CBLN4: variants seen among roughly 807,000 people sequenced by gnomAD.
CBLN4 encodes cerebellin-4.
In CBLN4, 7 loss-of-function variants were observed where a neutral mutation model predicts 14.9. The observed-to-expected ratio is 0.47, with a 90% CI of 0.27 to 0.88. The LOEUF (loss-of-function observed/expected upper bound fraction) is 0.88, where lower values mean the gene tolerates loss of function less well. Among genes scored for constraint, CBLN4 ranks in the 40% least tolerant of loss-of-function variants. The pLI, the probability that CBLN4 is intolerant of heterozygous loss-of-function variation, is 0.14. For missense variants in CBLN4, 188 were observed against 256.8 expected (o/e 0.73, Z 1.83); for synonymous variants, 131 against 116.5 (o/e 1.12, Z -0.80).
Position 56,004,162 on chromosome 20 carries a change from C to T in CBLN4, c.10G>A (p.Gly4Arg). The stretch of plus-strand genomic sequence containing the variant: ...GGCACCGCGGACAGCGCCCGGCGCC[C>T]GGAGCCCATGGTGAGCCGTGTGGGC... MGS[G>R]RRALSAVPAV... Residue 4 changes from glycine (G) to arginine (R), a missense_variant, in exon 1 of 3, where the codon GGG becomes AGG. Gly to Arg is a moderately radical substitution (Grantham distance 125). Coordinates refer to ENST00000064571, the MANE Select transcript of CBLN4 (RefSeq NM_080617.6). This position sits in a 1 kb window ranked among gnomAD's most constrained non-coding sequence, Gnocchi z 6.1. The T allele has an allele frequency of 6.5e-7, 1 of 1,532,768 alleles. No homozygotes were observed. The highest frequency in any genetic ancestry group is 2.5e-5 in the East Asian group (1 of 40,496). The allele number at this position is 1,532,768 out of a possible 1,614,324, so 94.9% of individuals were successfully genotyped here.
intron 1 of CBLN4, among the ~76,000 whole-genome samples, chr20:56,001,343 G>A (rs577965498): frequency 8.5e-5 from 13 of 152,210 alleles, no homozygotes; most frequent in South Asian, 2.1e-4. Context: ...CAGCCAATCA[G>A]CATCTGTGAG....
intron 1 of CBLN4, among the ~76,000 whole-genome samples, 181 bp from the exon 2 acceptor site, chr20:56,001,028 C>G (rs189015739): frequency 2.0e-5 from 3 of 151,864 alleles, no homozygotes; most frequent in Admixed American, 2.0e-4. Context: ...TGGCAACTAG[C>G]TTAAGAAATC....
chr20:56,002,757 T>C (rs535734755), intron 1 of CBLN4, among the ~76,000 whole-genome samples: 1 of 152,350 alleles, frequency 6.6e-6, no homozygotes, highest in African/African-American at 2.4e-5. Flanking sequence ...TAGAGAGGCA[T>C]TCTCTGTCTT....
rs1986431309 is a variant in CBLN4, at chr20:56,004,453, C to G, written c.-282G>C. ...CCAAGAATCAGCCCTGCCTGGGGCC[C>G]CTGCACCCACTCTGGTTCCTAGACA... On this transcript the variant is annotated 5_prime_UTR_variant, in exon 1 of 3. Transcript: ENST00000064571. This position sits in a 1 kb window ranked among gnomAD's most constrained non-coding sequence, Gnocchi z 6.1. 2.6e-6 allele frequency: 1 copy of G among 381,822 alleles called. No individual in the cohort carries two copies. The highest frequency in any genetic ancestry group is 4.6e-5 in the Admixed American group (1 of 21,544). 23.7% of individuals were successfully genotyped at this position (381,822 alleles called of 1,614,324 possible). A position where few individuals can be genotyped will look rare whatever the true frequency, so the allele number is the denominator to read the frequency against.
rs1010635417 is a variant in CBLN4, at chr20:56,004,175, G to A, written c.-4C>T. 11 of 1,477,448 alleles carry A rather than the reference G, an allele frequency of 7.4e-6. No individual in the cohort carries two copies. Among genetic ancestry groups the A allele is most frequent in the Non-Finnish European group, 9.8e-6 (11 of 1,118,914 alleles). 91.5% of individuals were successfully genotyped at this position (1,477,448 alleles called of 1,614,324 possible). On this transcript the variant is annotated 5_prime_UTR_variant, in exon 1 of 3. Coordinates refer to ENST00000064571, the MANE Select transcript of CBLN4 (RefSeq NM_080617.6). This position sits in a 1 kb window ranked among gnomAD's most constrained non-coding sequence, Gnocchi z 6.1. ...GCGCCCGGCGCCCGGAGCCCATGGT[G>A]AGCCGTGTGGGCAGCCGCAGCCGGC...
chr20:56,001,517 T>A (rs1262403289), intron 1 of CBLN4, among the ~76,000 whole-genome samples: 1 of 152,182 alleles, frequency 6.6e-6, no homozygotes, highest in Non-Finnish European at 1.5e-5. Context: ...ATTTTTTTTT[T>A]CATTCCTGTG....
intron 1 of CBLN4, among the ~76,000 whole-genome samples, chr20:56,002,166 G>C (rs958017481): frequency 1.3e-5 from 2 of 152,154 alleles, no homozygotes. Context: ...ACACATGTAC[G>C]TGTATAATTT....
At position 55,997,983 on chromosome 20, in the gene CBLN4, T is replaced by C. The variant is rs1457108767; in HGVS notation, c.*574A>G. On this transcript the variant is annotated 3_prime_UTR_variant, in exon 3 of 3. Coordinates refer to ENST00000064571, the MANE Select transcript of CBLN4 (RefSeq NM_080617.6). ...GAGAGAAGTCATGTCGATGATATCG[T>C]AGTCAAGGTAAATTTGTGGGCAAGC... The C allele has an allele frequency of 6.6e-6, 1 of 152,452 alleles. No homozygotes were observed. The highest frequency in any genetic ancestry group is 1.9e-4 in the East Asian group (1 of 5,190). 9.4% of individuals were successfully genotyped at this position (152,452 alleles called of 1,614,324 possible).
At chr20:56,002,247 C>G (rs985312911) in intron 1 of CBLN4, among the ~76,000 whole-genome samples, 6 of 152,190 alleles carry the variant, frequency 3.9e-5, no homozygotes, top group Non-Finnish European at 7.3e-5. Flanking sequence ...GATGGTCTTT[C>G]AACAAGTCAC....
At chr20:56,003,819 C>T in intron 1 of CBLN4, 62 bp downstream of exon 1, 1 of 1,516,634 alleles carries the variant, frequency 6.6e-7, no homozygotes, top group Non-Finnish European at 8.9e-7. Context: ...GGCAGGCAGC[C>T]TCGTGCTGAG....
chr20:56,000,862 A>T lies in CBLN4; in HGVS notation c.292-15T>A. On this transcript the variant is annotated splice_polypyrimidine_tract_variant and intron_variant, in intron 1 of 2. Transcript: ENST00000064571. ...TTCACCAGGATCTACAAATAAAAAT[A>T]ATAAATAACAATAAGTTATTATATT... 7.6e-7 allele frequency: 1 copy of T among 1,309,814 alleles called. No homozygotes were observed. Among genetic ancestry groups the T allele is most frequent in the Non-Finnish European group, 1.1e-6 (1 of 948,746 alleles). 81.1% of individuals were successfully genotyped at this position (1,309,814 alleles called of 1,614,324 possible). A position where few individuals can be genotyped will look rare whatever the true frequency, so the allele number is the denominator to read the frequency against.
chr20:56,002,637 CTAGGG>C (rs1276913744), intron 1 of CBLN4, among the ~76,000 whole-genome samples: 1 of 152,216 alleles, frequency 6.6e-6, no homozygotes, highest in Non-Finnish European at 1.5e-5. Flanking sequence ...GAAATACAAA[CTAGGG>C]GTGGTGCTAG....
chr20:56,003,671 AG>A (rs1262095238), intron 1 of CBLN4, among the ~76,000 whole-genome samples: 1 of 152,086 alleles, frequency 6.6e-6, no homozygotes, highest in African/African-American at 2.4e-5. Flanking sequence ...AGCCTCTTTT[AG>A]GGGCCCGGAA....
rs1311376218 is a variant in CBLN4, at chr20:56,003,792, C to A, written c.291+89G>T. On this transcript the variant is annotated intron_variant, in intron 1 of 2. Coordinates refer to ENST00000064571, the MANE Select transcript of CBLN4 (RefSeq NM_080617.6). ...TTTACATGATTCCCCATTTCCCAATCGGACCAGCTTAGCCTGGGCAGGCAG... is the reference window on the plus strand; with the variant it reads ...TTTACATGATTCCCCATTTCCCAATAGGACCAGCTTAGCCTGGGCAGGCAG... The A allele has an allele frequency of 3.7e-6, 5 of 1,360,726 alleles. No homozygotes were observed. The South Asian group carries it at 4.3e-5, about 12-fold the overall frequency. 84.3% of individuals were successfully genotyped at this position (1,360,726 alleles called of 1,614,324 possible). A position where few individuals can be genotyped will look rare whatever the true frequency, so the allele number is the denominator to read the frequency against.
In CBLN4 at chr20:56,003,871, C is replaced by T. The variant is rs749492651; in HGVS notation, c.291+10G>A. The T allele has an allele frequency of 6.3e-6, 10 of 1,585,682 alleles. No individual in the cohort carries two copies. In the South Asian group the frequency reaches 1.0e-4, roughly 16 times the overall value. ...CACCCCCTAGGTGCTCGCTTCCCCC[C>T]GGGTCTGACCTGATCGAAGTAAATG... On this transcript the variant is annotated intron_variant, in intron 1 of 2. Transcript: ENST00000064571.
intron 1 of CBLN4, 94 bp downstream of exon 1, chr20:56,003,787 C>T (rs422330): frequency 5.3e-5 from 70 of 1,317,770 alleles, no homozygotes; most frequent in South Asian, 7.2e-5. Context: ...TCCCCATTTC[C>T]CAATCGGACC....
intron 2 of CBLN4, among the ~76,000 whole-genome samples, chr20:56,000,351 T>C (rs1394196200): frequency 6.6e-6 from 1 of 152,272 alleles, no homozygotes; most frequent in Admixed American, 6.5e-5. Flanking sequence ...TTATTTAGTA[T>C]GCACTTGTAA....
rs187529560 is a variant in CBLN4 at position 56,000,542 on chromosome 20, C to T, written c.408+189G>A. ...CTTCAATTCTCTATTTTTCTATACG[C>T]TTTTTGTCACGTCTTAATGGATGTT... is the stretch of plus-strand genomic sequence containing the variant. On this transcript the variant is annotated intron_variant, in intron 2 of 2. Coordinates refer to ENST00000064571, the MANE Select transcript of CBLN4 (RefSeq NM_080617.6). Among the ~76,000 whole-genome samples the T allele has an allele frequency of 1.1e-4, 17 of 152,244 alleles. 1 individual carries two copies. The East Asian group carries it at 3.1e-3, about 28-fold the overall frequency.
In CBLN4 at chr20:55,998,452, G is replaced by A. The variant is rs1170286914; in HGVS notation, c.*105C>T. ...ATCCTTAGAATCCATATCCACCCAT[G>A]AGAAACCAATAAAAGACATCAATCC... is the stretch of plus-strand genomic sequence containing the variant. On this transcript the variant is annotated 3_prime_UTR_variant, in exon 3 of 3. Coordinates refer to ENST00000064571, the MANE Select transcript of CBLN4 (RefSeq NM_080617.6). 4 of 1,294,356 alleles carry A rather than the reference G, an allele frequency of 3.1e-6. No individual in the cohort carries two copies. The highest frequency in any genetic ancestry group is 1.5e-5 in the African/African-American group (1 of 66,958). The allele number at this position is 1,294,356 out of a possible 1,614,324, so 80.2% of individuals were successfully genotyped here.
Sources: gnomAD v4.1 joint callset for allele counts (sites outside exome capture counted in the v4.1 genomes callset) on GRCh38, gnomAD v4.1.1 for gene constraint, Gnocchi (gnomAD v3.1) non-coding constraint, MANE v1.5 for transcripts, NCBI Gene and HGNC (gene_info 2026-07-23, HGNC 2026-07-21) for gene names.